The following DAAM1 variants were observed in gnomAD, a reference collection of about 807,000 sequenced individuals.
DAAM1 encodes dishevelled associated activator of morphogenesis 1.
In DAAM1, 52 loss-of-function variants were observed where a neutral mutation model predicts 130.0. The ratio of observed to expected loss-of-function variants is 0.40; its 90% CI spans 0.32 to 0.50. DAAM1 has a LOEUF of 0.50. Ranked by LOEUF, DAAM1 falls within the 20% of genes least tolerant of loss-of-function variation. The pLI, the probability that DAAM1 is intolerant of heterozygous loss-of-function variation, is 0.61. For missense variants in DAAM1, 1,134 were observed against 1,303.8 expected (o/e 0.87, Z 2.01); for synonymous variants, 452 against 444.5 (o/e 1.02, Z -0.21).
chr14:59,262,063 T>G (rs570136005), intron 1 of DAAM1, among the ~76,000 whole-genome samples: 2 of 151,902 alleles, frequency 1.3e-5, no homozygotes, highest in East Asian at 3.9e-4. Context: ...TTTTTTTTTT[T>G]CTTTTAACCT....
At chr14:59,332,881 T>TA (rs1222194475) in intron 15 of DAAM1, among the ~76,000 whole-genome samples, 1 of 152,118 alleles carries the variant, frequency 6.6e-6, no homozygotes, top group Non-Finnish European at 1.5e-5. Context: ...CTGGGCCTCT[T>TA]ACGGGGCTTT....
At chr14:59,347,672 C>T (rs780722145) in intron 17 of DAAM1, 49 bp downstream of exon 17, 6 of 1,563,304 alleles carry the variant, frequency 3.8e-6, no homozygotes, top group Non-Finnish European at 5.3e-6. Context: ...CGACCATCAA[C>T]AGGGAGAGGG....
At chr14:59,298,028 C>A (rs1434158722) in intron 3 of DAAM1, among the ~76,000 whole-genome samples, 1 of 152,068 alleles carries the variant, frequency 6.6e-6, no homozygotes, top group Non-Finnish European at 1.5e-5. Context: ...GTGGGTGATT[C>A]CAAATTTTAT....
chr14:59,214,358 A>G (rs1257187203), intron 1 of DAAM1, among the ~76,000 whole-genome samples: 1 of 152,264 alleles, frequency 6.6e-6, no homozygotes, highest in African/African-American at 2.4e-5. Context: ...GGCTGCTACC[A>G]CAGACCCCTG....
chr14:59,340,006 G>C (rs546735939), intron 15 of DAAM1, 68 bp from the exon 16 acceptor site: 1 of 1,389,592 alleles, frequency 7.2e-7, no homozygotes, highest in East Asian at 2.3e-5. Context: ...CAATGTAAAG[G>C]AAAGTGTGTA....
chr14:59,291,830 C>G (rs188451760), intron 3 of DAAM1, among the ~76,000 whole-genome samples: 37 of 152,314 alleles, frequency 2.4e-4, no homozygotes, highest in Admixed American at 5.9e-4. Flanking sequence ...ATGGCTGACT[C>G]TCTCTCGTAT....
intron 4 of DAAM1, among the ~76,000 whole-genome samples, chr14:59,320,175 T>G (rs981294381): frequency 8.5e-5 from 13 of 152,198 alleles, no homozygotes; most frequent in Admixed American, 7.9e-4. Flanking sequence ...TGTGATGGTA[T>G]TATTATCTTT....
Position 59,371,097 on chromosome 14 carries a change from A to T in DAAM1, c.*2238A>T, listed in dbSNP as rs1887150125. On this transcript the variant is annotated 3_prime_UTR_variant, in exon 25 of 25. Coordinates refer to ENST00000360909, the MANE Select transcript of DAAM1 (RefSeq NM_001270520.2). ...AATTCCATGTGCCATTGTTGAAAAG[A>T]AAAAAAAAAAACAAAAAAAAAACCT... 1 of 26,458 alleles carries T rather than the reference A, an allele frequency of 3.8e-5. No individual in the cohort carries two copies. Among genetic ancestry groups the T allele is most frequent in the Non-Finnish European group, 6.5e-5 (1 of 15,282 alleles). 1.6% of individuals were successfully genotyped at this position (26,458 alleles called of 1,614,324 possible).
chr14:59,330,571 A>G lies in DAAM1; in HGVS notation c.1443A>G (p.Glu481=). The change falls in exon 13 of 25, where the codon GAA becomes GAG. Residue 481 remains glutamate, a synonymous_variant. Transcript: ENST00000360909. ...RECDAKTQEK[E]EMMQTLNKMK... ...GTGATGCTAAGACTCAAGAGAAGGAAGAGATGATGCAGACCTTAAATAAAA... is the reference window on the plus strand; with the variant it reads ...GTGATGCTAAGACTCAAGAGAAGGAGGAGATGATGCAGACCTTAAATAAAA... 6.2e-7 allele frequency: 1 copy of G among 1,614,060 alleles called. No homozygotes were observed. The highest frequency in any genetic ancestry group is 1.6e-4 in the Middle Eastern group (1 of 6,062).
chr14:59,248,745 A>T (rs559651147), intron 1 of DAAM1, among the ~76,000 whole-genome samples: 96 of 152,284 alleles, frequency 6.3e-4, no homozygotes, highest in South Asian at 1.7e-3. Context: ...AGTGCAGATT[A>T]AAAGGAAACT....
At chr14:59,362,936 G>T (rs761338800) in intron 22 of DAAM1, 3 of 152,138 alleles carry the variant, frequency 2.0e-5, no homozygotes, top group African/African-American at 4.8e-5. Context: ...TTATATGTTT[G>T]TATAATGGGA....
intron 1 of DAAM1, among the ~76,000 whole-genome samples, chr14:59,196,816 A>G (rs1296730910): frequency 2.0e-5 from 3 of 152,228 alleles, no homozygotes; most frequent in African/African-American, 7.2e-5. Flanking sequence ...AAGGAAATGA[A>G]ACAGCTTAAA....
At position 59,238,081 on chromosome 14, in the gene DAAM1, G is replaced by GT. The variant is rs1382132381; in HGVS notation, c.-37-25353dup. 2.6e-5 allele frequency among the ~76,000 whole-genome samples: 4 copies of GT among 152,224 alleles called. No homozygotes were observed. The South Asian group carries it at 6.2e-4, about 24-fold the overall frequency. On this transcript the variant is annotated intron_variant, in intron 1 of 24. Transcript: ENST00000360909. ...TGGATGCCTTTCCTCTGTGTTTTAT[G>GT]TTTTTTTAAAATGAGATGTCTTCAT...
intron 8 of DAAM1, among the ~76,000 whole-genome samples, chr14:59,325,022 C>G (rs1885155272): frequency 6.6e-6 from 1 of 152,164 alleles, no homozygotes; most frequent in Non-Finnish European, 1.5e-5. Context: ...TGCTCTTCTT[C>G]TTGATATTCT....
chr14:59,349,004 G>A (rs1479645848), intron 17 of DAAM1, among the ~76,000 whole-genome samples: 2 of 152,114 alleles, frequency 1.3e-5, no homozygotes, highest in African/African-American at 2.4e-5. Context: ...GTGTATGAAC[G>A]GTTTAAAAGT....
rs565648582 is a variant in DAAM1, at chr14:59,356,339, G to A, written c.2525+1006G>A. The stretch of plus-strand genomic sequence containing the variant: ...TGTGTTAATTTGTTGTTTTTGCATC[G>A]TGTAGAGATAGATTAATGAAGAGCA... On this transcript the variant is annotated intron_variant, in intron 20 of 24. Transcript: ENST00000360909. Among the ~76,000 whole-genome samples the A allele has an allele frequency of 4.6e-5, 7 of 152,294 alleles. No homozygotes were observed. In the East Asian group the frequency reaches 5.8e-4, roughly 13 times the overall value.
chr14:59,316,480 A>G (rs189519749), intron 4 of DAAM1, among the ~76,000 whole-genome samples: 55 of 152,312 alleles, frequency 3.6e-4, no homozygotes, highest in Admixed American at 1.1e-3. Flanking sequence ...TAAACAGCCT[A>G]TATATATAAA....
intron 14 of DAAM1, 104 bp from the exon 15 acceptor site, chr14:59,331,709 T>G (rs940204728): frequency 6.7e-7 from 1 of 1,500,196 alleles, no homozygotes; most frequent in Non-Finnish European, 9.0e-7. Context: ...TTTGAGTGTC[T>G]GGTAGACTGA....
intron 23 of DAAM1, among the ~76,000 whole-genome samples, chr14:59,364,637 T>C (rs1399033090): frequency 6.6e-6 from 1 of 151,062 alleles, no homozygotes; most frequent in Non-Finnish European, 1.5e-5. Context: ...CTCTGAGTCT[T>C]TTGTTTCGAA....
Sources: gnomAD v4.1 joint callset for allele counts (sites outside exome capture counted in the v4.1 genomes callset) on GRCh38, gnomAD v4.1.1 for gene constraint, MANE v1.5 for transcripts, NCBI Gene and HGNC (gene_info 2026-07-23, HGNC 2026-07-21) for gene names.